EXT2: variants seen among roughly 807,000 people sequenced by gnomAD.
EXT2 encodes exostosin-2.
In EXT2, 53 loss-of-function variants were observed where a neutral mutation model predicts 81.6. That is an observed-to-expected ratio of 0.65 (90% CI 0.52 to 0.82). The LOEUF is 0.82. EXT2 is among the 40% of genes least tolerant of loss of function. The pLI is 0.00. For missense variants in EXT2, 774 were observed against 910.2 expected (o/e 0.85, Z 1.93); for synonymous variants, 320 against 340.0 (o/e 0.94, Z 0.65).
intron 6 of EXT2, among the ~76,000 whole-genome samples, chr11:44,127,341 G>A (rs1954423090): frequency 6.6e-6 from 1 of 152,144 alleles, no homozygotes; most frequent in Admixed American, 6.5e-5. Flanking sequence ...TTTGGAGCCG[G>A]GCTGCACAGC....
intron 13 of EXT2, among the ~76,000 whole-genome samples, chr11:44,241,301 A>C (rs1018385810): frequency 6.6e-6 from 1 of 152,228 alleles, no homozygotes; most frequent in African/African-American, 2.4e-5. Flanking sequence ...TAGTATTTTG[A>C]ATTAGGCTAA....
chr11:44,246,553 A>G lies in EXT2; in HGVS notation c.*2266A>G, dbSNP rs1956095294. On this transcript the variant is annotated 3_prime_UTR_variant, in exon 14 of 14. Transcript: ENST00000533608. The stretch of plus-strand genomic sequence containing the variant: ...AAAGTACCTCATTACTCCCAGGAAT[A>G]TTGGGTGTTAGATCTTGCAACACAG... Among the ~76,000 whole-genome samples, 1 of 152,142 alleles carries G rather than the reference A, an allele frequency of 6.6e-6. No individual in the cohort carries two copies. Among genetic ancestry groups the G allele is most frequent in the Non-Finnish European group, 1.5e-5 (1 of 68,016 alleles).
At chr11:44,125,857 C>G (rs1954395068) in intron 5 of EXT2, among the ~76,000 whole-genome samples, 1 of 152,200 alleles carries the variant, frequency 6.6e-6, no homozygotes, top group Non-Finnish European at 1.5e-5. Context: ...GTGTCCACAT[C>G]TGGATGCTGA....
At chr11:44,182,521 C>T (rs972495635) in intron 8 of EXT2, among the ~76,000 whole-genome samples, 1 of 152,082 alleles carries the variant, frequency 6.6e-6, no homozygotes, top group Non-Finnish European at 1.5e-5. Context: ...TTTACGTTGA[C>T]ATATTTCAGA....
chr11:44,205,748 A>G (rs928763952), intron 9 of EXT2, among the ~76,000 whole-genome samples: 3 of 152,214 alleles, frequency 2.0e-5, no homozygotes, highest in African/African-American at 7.2e-5. Flanking sequence ...TGGAGTGGCC[A>G]GGAGCGCTTT....
intron 8 of EXT2, among the ~76,000 whole-genome samples, chr11:44,174,598 T>C (rs1299362740): frequency 6.6e-6 from 1 of 152,178 alleles, no homozygotes; most frequent in Non-Finnish European, 1.5e-5. Flanking sequence ...AACTATTCTG[T>C]TACTGACCTC....
intron 7 of EXT2, among the ~76,000 whole-genome samples, chr11:44,141,640 G>A (rs1349822871): frequency 6.6e-5 from 10 of 152,186 alleles, no homozygotes; most frequent in Admixed American, 6.5e-4. Flanking sequence ...TCATTACATA[G>A]CCTTTTGAAG....
At chr11:44,242,167 G>C (rs941499115) in intron 13 of EXT2, among the ~76,000 whole-genome samples, 3 of 152,240 alleles carry the variant, frequency 2.0e-5, no homozygotes, top group African/African-American at 7.2e-5. Context: ...TAGTACCTAT[G>C]CTGGGAACAG....
chr11:44,179,981 T>C (rs1955212599), intron 8 of EXT2, among the ~76,000 whole-genome samples: 1 of 152,226 alleles, frequency 6.6e-6, no homozygotes, highest in African/African-American at 2.4e-5. Context: ...ACTTTACACA[T>C]TGCTTCAACC....
At chr11:44,217,476 A>G (rs1051553032) in intron 10 of EXT2, among the ~76,000 whole-genome samples, 6 of 152,232 alleles carry the variant, frequency 3.9e-5, no homozygotes, top group Non-Finnish European at 8.8e-5. Context: ...ATCAGGAGCT[A>G]GGAATGATCT....
intron 1 of EXT2, among the ~76,000 whole-genome samples, chr11:44,106,545 G>A (rs1358194251): frequency 6.6e-6 from 1 of 152,114 alleles, no homozygotes; most frequent in Non-Finnish European, 1.5e-5. Flanking sequence ...TCCCTCATTA[G>A]AGTAGGGTCT....
In EXT2 at chr11:44,134,933, G is replaced by T. The variant is rs190886134; in HGVS notation, c.1173+4795G>T. 2.1e-3 allele frequency among the ~76,000 whole-genome samples: 312 copies of T among 152,180 alleles called. 4 individuals carry two copies. Among genetic ancestry groups the T allele is most frequent in the Non-Finnish European group, 3.4e-4 (23 of 67,988 alleles). ...TTTTCTCTCTAGCCTTTAACACTTG[G>T]GGTACATTAAAATACCAGTTTCTTT... On this transcript the variant is annotated intron_variant, in intron 7 of 13. Transcript: ENST00000533608.
chr11:44,129,187 C>T (rs1426490887), intron 6 of EXT2, among the ~76,000 whole-genome samples: 4 of 152,186 alleles, frequency 2.6e-5, no homozygotes, highest in African/African-American at 7.2e-5. Flanking sequence ...GTTGTTCTCT[C>T]TGCTCCTGTC....
intron 8 of EXT2, among the ~76,000 whole-genome samples, chr11:44,193,326 G>A (rs995811931): frequency 4.6e-5 from 7 of 152,276 alleles, no homozygotes; most frequent in African/African-American, 7.2e-5. Context: ...CACATGGAAC[G>A]TAAAGCCTGG....
chr11:44,225,140 T>TTCCTCCTCCTCCCATCCCC (rs1365144080), intron 10 of EXT2, among the ~76,000 whole-genome samples: 1 of 152,176 alleles, frequency 6.6e-6, no homozygotes, highest in Non-Finnish European at 1.5e-5. Context: ...GACCCATCTC[T>TTCCTCCTCCTCCCATCCCC]TCCTCCTCCT....
chr11:44,184,222 C>G (rs1955276353), intron 8 of EXT2, among the ~76,000 whole-genome samples: 1 of 152,182 alleles, frequency 6.6e-6, no homozygotes, highest in Non-Finnish European at 1.5e-5. Flanking sequence ...GCAGTAAGCT[C>G]TTTCTCTTTC....
At chr11:44,167,257 A>G (rs1565218924) in intron 7 of EXT2, among the ~76,000 whole-genome samples, 1 of 152,188 alleles carries the variant, frequency 6.6e-6, no homozygotes, top group Non-Finnish European at 1.5e-5. Context: ...CTTCCCTTAG[A>G]GTGTTTGCCA....
At chr11:44,101,566 A>C (rs1353887931) in intron 1 of EXT2, among the ~76,000 whole-genome samples, 1 of 152,186 alleles carries the variant, frequency 6.6e-6, no homozygotes, top group Non-Finnish European at 1.5e-5. Flanking sequence ...CAGAGTATTG[A>C]GGAAGGAATC....
intron 8 of EXT2, among the ~76,000 whole-genome samples, chr11:44,196,342 C>T (rs1275460793): frequency 6.6e-6 from 1 of 152,082 alleles, no homozygotes; most frequent in Non-Finnish European, 1.5e-5. Flanking sequence ...TGTGCTGCTT[C>T]TGTTAATCCT....
Sources: gnomAD v4.1 joint callset for allele counts (sites outside exome capture counted in the v4.1 genomes callset) on GRCh38, gnomAD v4.1.1 for gene constraint, MANE v1.5 for transcripts, NCBI Gene and HGNC (gene_info 2026-07-23, HGNC 2026-07-21) for gene names.